Variants in LINGO2 observed in about 807,000 individuals in gnomAD.
LINGO2 encodes leucine-rich repeat and immunoglobulin-like domain-containing nogo receptor-interacting protein 2.
A neutral mutation model predicts 30.6 loss-of-function variants in LINGO2; 14 were observed. That is an observed-to-expected ratio of 0.46 (90% CI 0.30 to 0.72). LINGO2 has a LOEUF of 0.72. Among genes scored for constraint, LINGO2 ranks in the 30% least tolerant of loss-of-function variants. LINGO2 has a pLI of 0.07. For missense variants in LINGO2, 729 were observed against 751.7 expected (o/e 0.97, Z 0.35); for synonymous variants, 317 against 288.5 (o/e 1.10, Z -1.00).
the LINGO2 span, among the ~76,000 whole-genome samples, chr9:29,042,867 T>G: frequency 6.6e-6 from 1 of 151,862 alleles, no homozygotes; most frequent in African/African-American, 2.4e-5. Context: ...TATAACCAGT[T>G]AAATGACAAA....
chr9:28,936,309 G>A, the LINGO2 span, among the ~76,000 whole-genome samples: 1 of 152,186 alleles, frequency 6.6e-6, no homozygotes, highest in Non-Finnish European at 1.5e-5. Flanking sequence ...GGGTGTTGTG[G>A]TGTCTTGCCA....
chr9:28,022,360 AG>A (rs1355502403), intron 4 of LINGO2, among the ~76,000 whole-genome samples: 3 of 152,088 alleles, frequency 2.0e-5, no homozygotes, highest in African/African-American at 7.2e-5. Flanking sequence ...AATTAAGATT[AG>A]AAGTAAGAAA....
At chr9:28,933,177 G>A in the LINGO2 span, among the ~76,000 whole-genome samples, 2 of 152,044 alleles carry the variant, frequency 1.3e-5, no homozygotes, top group African/African-American at 4.8e-5. Context: ...AAAGTGCTGG[G>A]ATTACAGTCA....
chr9:28,735,492 A>G, the LINGO2 span, among the ~76,000 whole-genome samples: 2 of 152,094 alleles, frequency 1.3e-5, no homozygotes, highest in African/African-American at 4.8e-5. Context: ...AAATATGCCC[A>G]TTTGGTGGTA....
At chr9:28,277,096 A>C (rs1224737689) in intron 4 of LINGO2, among the ~76,000 whole-genome samples, 2 of 152,068 alleles carry the variant, frequency 1.3e-5, no homozygotes, top group Admixed American at 6.6e-5. Flanking sequence ...GCATTTTTAT[A>C]CATTGAAGGT....
the LINGO2 span, among the ~76,000 whole-genome samples, chr9:28,678,675 A>G: frequency 6.6e-6 from 1 of 152,164 alleles, no homozygotes; most frequent in Non-Finnish European, 1.5e-5. Context: ...CTAAGCACTC[A>G]GAACAGGGCT....
the LINGO2 span, among the ~76,000 whole-genome samples, chr9:28,940,050 G>A: frequency 6.6e-6 from 1 of 152,150 alleles, no homozygotes; most frequent in Non-Finnish European, 1.5e-5. Context: ...GAAGCACTCT[G>A]TTACATTTTA....
At chr9:28,272,013 G>T (rs1193081552) in intron 4 of LINGO2, among the ~76,000 whole-genome samples, 3 of 152,186 alleles carry the variant, frequency 2.0e-5, no homozygotes, top group African/African-American at 7.2e-5. Flanking sequence ...AGCAGCAAGG[G>T]CTGATGCCAG....
chr9:28,760,874 GTATATGTGTATA>G, the LINGO2 span, among the ~76,000 whole-genome samples: 50 of 150,520 alleles, frequency 3.3e-4, 1 homozygote, highest in African/African-American at 8.8e-4. Flanking sequence ...TCATATATAT[GTATATGTGTATA>G]TATATGTGTA....
chr9:28,232,726 A>G (rs1258565628), intron 4 of LINGO2, among the ~76,000 whole-genome samples: 1 of 151,730 alleles, frequency 6.6e-6, no homozygotes, highest in African/African-American at 2.4e-5. Flanking sequence ...ATCCTGTTTA[A>G]TTGAAACTTT....
At position 28,428,171 on chromosome 9, in the gene LINGO2, G is replaced by A. The variant is rs1008511651; in HGVS notation, c.-279+47769C>T. Among the ~76,000 whole-genome samples, 5 of 152,230 alleles carry A rather than the reference G, an allele frequency of 3.3e-5. No homozygotes were observed. The South Asian group carries it at 8.3e-4, about 25-fold the overall frequency. The stretch of plus-strand genomic sequence containing the variant: ...CATGTATCACTCCTTAATTTAAAAT[G>A]ATGCCTCACCTAATAATGCAATTTC... On this transcript the variant is annotated intron_variant, in intron 2 of 5. Transcript: ENST00000379992.
At chr9:28,083,174 G>C (rs572148087) in intron 4 of LINGO2, among the ~76,000 whole-genome samples, 3 of 152,136 alleles carry the variant, frequency 2.0e-5, no homozygotes, top group South Asian at 2.1e-4. Context: ...TCCCAGATAG[G>C]ACCTGCTTTT....
the LINGO2 span, among the ~76,000 whole-genome samples, chr9:29,161,230 T>C: frequency 6.6e-6 from 1 of 152,068 alleles, no homozygotes; most frequent in African/African-American, 2.4e-5. Flanking sequence ...ATGATAAAGG[T>C]AGACAGTGTG....
the LINGO2 span, among the ~76,000 whole-genome samples, chr9:29,074,818 C>T: frequency 1.3e-5 from 2 of 150,816 alleles, no homozygotes; most frequent in South Asian, 2.1e-4. Context: ...TAGGCACCCA[C>T]CACCACACCT....
the LINGO2 span, among the ~76,000 whole-genome samples, chr9:28,879,985 C>A: frequency 1.3e-5 from 2 of 152,164 alleles, no homozygotes; most frequent in Non-Finnish European, 1.5e-5. Flanking sequence ...TAAAAGAATG[C>A]CATTGAACTT....
intron 5 of LINGO2, among the ~76,000 whole-genome samples, chr9:27,987,743 T>C (rs545506456): frequency 6.6e-6 from 1 of 152,036 alleles, no homozygotes; most frequent in East Asian, 1.9e-4. Context: ...TTAACTCATG[T>C]GGAGCCCTAA....
chr9:28,149,899 C>T (rs748180706), intron 4 of LINGO2, among the ~76,000 whole-genome samples: 7 of 150,754 alleles, frequency 4.6e-5, no homozygotes, highest in Non-Finnish European at 8.9e-5. Context: ...TAAGGAGCGC[C>T]TATGCCTCGC....
At chr9:28,512,361 C>T (rs1347154032) in intron 1 of LINGO2, among the ~76,000 whole-genome samples, 1 of 151,672 alleles carries the variant, frequency 6.6e-6, no homozygotes, top group Non-Finnish European at 1.5e-5. Flanking sequence ...CTAGAGGCCT[C>T]CGCTGTGATT....
the LINGO2 span, among the ~76,000 whole-genome samples, chr9:29,139,613 A>C: frequency 6.6e-6 from 1 of 152,258 alleles, no homozygotes; most frequent in East Asian, 1.9e-4. Flanking sequence ...GAAAAAAATT[A>C]GAAGTCAGTT....
Sources: allele counts gnomAD v4.1 joint callset (sites outside exome capture counted in the v4.1 genomes callset), GRCh38; gene constraint gnomAD v4.1.1; transcripts MANE v1.5; gene names NCBI Gene and HGNC (gene_info 2026-07-23, HGNC 2026-07-21).